FJX1: variants seen among roughly 807,000 people sequenced by gnomAD.
FJX1 encodes four-jointed box kinase 1.
A neutral mutation model predicts 28.7 loss-of-function variants in FJX1; 21 were observed. That is an observed-to-expected ratio of 0.73 (90% CI 0.52 to 1.05). FJX1 has a LOEUF of 1.05. FJX1 is among the 50% of genes least tolerant of loss of function. The pLI is 0.00. For synonymous variants in FJX1, 363 were observed against 310.0 expected (o/e 1.17, Z -1.80); for missense variants, 683 against 647.2 (o/e 1.06, Z -0.60).
Position 35,619,164 on chromosome 11 carries a change from C to T in FJX1, c.528C>T (p.Arg176=), listed in dbSNP as rs1174712508. 6.3e-7 allele frequency: 1 copy of T among 1,576,458 alleles called. No individual in the cohort carries two copies. Residue 176 remains arginine (R), a synonymous_variant, in exon 1 of 1, where the codon CGC becomes CGT. Coordinates refer to ENST00000317811, the MANE Select transcript of FJX1 (RefSeq NM_014344.4). This position sits in a 1 kb window ranked among gnomAD's most constrained non-coding sequence, Gnocchi z 7.6. ...TGGCCCGTTTTGCCGACGGCACCCGCGCCTGCGTGCGCTACGGCATCAACC... is the reference window on the plus strand; with the variant it reads ...TGGCCCGTTTTGCCGACGGCACCCGTGCCTGCGTGCGCTACGGCATCAACC... ...NRLARFADGT[R]ACVRYGINPE...
chr11:35,618,967 C>CGGCCGG lies in FJX1; in HGVS notation c.332_337dup (p.Pro112_Glu113insGlyPro). 1 of 1,474,264 alleles carries CGGCCGG rather than the reference C, an allele frequency of 6.8e-7. No homozygotes were observed. The highest frequency in any genetic ancestry group is 8.9e-7 in the Non-Finnish European group (1 of 1,121,118). The allele number at this position is 1,474,264 out of a possible 1,614,324, so 91.3% of individuals were successfully genotyped here. On this transcript the variant is annotated inframe_insertion, in exon 1 of 1. Coordinates refer to ENST00000317811, the MANE Select transcript of FJX1 (RefSeq NM_014344.4). The surrounding 1 kb of genome is among the most constrained non-coding windows in gnomAD (Gnocchi z 4.2). ...GTGGCACGTGTCAGCCAGGCAGCCCCGGCCGGAGGAGAGCGCCGCGGTGCA... is the reference window on the plus strand; with the variant it reads ...GTGGCACGTGTCAGCCAGGCAGCCCCGGCCGGGGCCGGAGGAGAGCGCCGCGGTGCA...
Position 35,618,629 on chromosome 11 carries a change from G to T in FJX1, c.-8G>T. On this transcript the variant is annotated 5_prime_UTR_variant, in exon 1 of 1. Coordinates refer to ENST00000317811, the MANE Select transcript of FJX1 (RefSeq NM_014344.4). This position sits in a 1 kb window ranked among gnomAD's most constrained non-coding sequence, Gnocchi z 4.2. ...GCGGCGGCGGCGCACCGGCACAGCC[G>T]CGGGAGCATGGGCAGGAGGATGCGG... 1 of 1,161,220 alleles carries T rather than the reference G, an allele frequency of 8.6e-7. No individual in the cohort carries two copies. The allele number at this position is 1,161,220 out of a possible 1,614,324, so 71.9% of individuals were successfully genotyped here.
Position 35,619,732 on chromosome 11 carries a change from G to C in FJX1, c.1096G>C (p.Val366Leu), listed in dbSNP as rs764429952. The C allele has an allele frequency of 1.0e-5, 16 of 1,577,312 alleles. No homozygotes were observed. Among genetic ancestry groups the C allele is most frequent in the Non-Finnish European group, 1.3e-5 (15 of 1,163,154 alleles). Residue 366 changes from valine (V) to leucine (L), a missense_variant, in exon 1 of 1, where the codon GTG becomes CTG. Transcript: ENST00000317811. This position sits in a 1 kb window ranked among gnomAD's most constrained non-coding sequence, Gnocchi z 7.6. ...YNEPLLQSVC[V>L]FRERTARRVL... ...CGAGCCGCTGTTGCAGTCAGTGTGC[G>C]TGTTCCGCGAGCGGACCGCGCGGCG...
In FJX1 at chr11:35,619,139, T is replaced by C. The variant is rs1303257504; in HGVS notation, c.503T>C (p.Leu168Pro). Reference protein sequence around the residue: ...RGGCGRSSNRLARFADGTRAC... With the variant: ...RGGCGRSSNRPARFADGTRAC... ...GGTTGCGGGCGCAGCTCCAACCGAC[T>C]GGCCCGTTTTGCCGACGGCACCCGC... Residue 168 changes from leucine (L) to proline (P), a missense_variant, in exon 1 of 1, where the codon CTG becomes CCG. By Grantham distance (98) the Leu-to-Pro change is moderately conservative. Coordinates refer to ENST00000317811, the MANE Select transcript of FJX1 (RefSeq NM_014344.4). This position sits in a 1 kb window ranked among gnomAD's most constrained non-coding sequence, Gnocchi z 7.6. 5 of 1,568,394 alleles carry C rather than the reference T, an allele frequency of 3.2e-6. No homozygotes were observed. The highest frequency in any genetic ancestry group is 4.3e-6 in the Non-Finnish European group (5 of 1,168,628).
rs753288549 is a variant in FJX1, at chr11:35,619,136, G to A, written c.500G>A (p.Arg167Gln). The A allele has an allele frequency of 3.2e-6, 5 of 1,566,224 alleles. No individual in the cohort carries two copies. Among genetic ancestry groups the A allele is most frequent in the Non-Finnish European group, 4.3e-6 (5 of 1,167,646 alleles). Residue 167 changes from arginine (R) to glutamine (Q), a missense_variant, in exon 1 of 1, where the codon CGA (arginine) becomes CAA (glutamine). Arg to Gln is a conservative substitution (Grantham distance 43). Transcript: ENST00000317811. The surrounding 1 kb of genome is among the most constrained non-coding windows in gnomAD (Gnocchi z 7.6). ...ERGGCGRSSN[R>Q]LARFADGTRA... ...GGGGGTTGCGGGCGCAGCTCCAACC[G>A]ACTGGCCCGTTTTGCCGACGGCACC...
Position 35,618,916 on chromosome 11 carries a change from C to A in FJX1, c.280C>A (p.Pro94Thr). The A allele has an allele frequency of 7.1e-7, 1 of 1,416,158 alleles. No individual in the cohort carries two copies. 87.7% of individuals were successfully genotyped at this position (1,416,158 alleles called of 1,614,324 possible). ...CCTGGCGGCCGGCGCGGACGGCCCG[C>A]CCCGGCAGTCCCGGAGCGAGCCCAG... is the stretch of plus-strand genomic sequence containing the variant. ...LTLAAGADGP[P>T]RQSRSEPRWH... is the part of the protein sequence containing the mutation. Residue 94 changes from proline (P) to threonine (T), a missense_variant, in exon 1 of 1, where the codon CCC becomes ACC. Physicochemically the swap from Pro to Thr is conservative, Grantham distance 38. Coordinates refer to ENST00000317811, the MANE Select transcript of FJX1 (RefSeq NM_014344.4). The surrounding 1 kb of genome is among the most constrained non-coding windows in gnomAD (Gnocchi z 4.2).
In FJX1 at chr11:35,619,899, C is replaced by T. The variant is rs1205225194; in HGVS notation, c.1263C>T (p.Ala421=). 21 of 1,581,564 alleles carry T rather than the reference C, an allele frequency of 1.3e-5. No individual in the cohort carries two copies. Among genetic ancestry groups the T allele is most frequent in the Non-Finnish European group, 1.8e-5 (21 of 1,165,020 alleles). ...TACAGCGCCGCCTCGACTTCCTCGC[C>T]AAGCACATTTTGCACTGTAAGGCCA... is the stretch of plus-strand genomic sequence containing the variant. The part of the protein sequence containing the change: ...QLLQRRLDFL[A]KHILHCKAKY... The change falls in exon 1 of 1, where the codon GCC becomes GCT. Residue 421 remains alanine, a synonymous_variant. Transcript: ENST00000317811. The surrounding 1 kb of genome is among the most constrained non-coding windows in gnomAD (Gnocchi z 7.6).
chr11:35,618,675 G>T lies in FJX1; in HGVS notation c.39G>T (p.Gly13=), dbSNP rs1384775209. Reference sequence around the variant, plus strand: ...TGCGGGGCGCCGCCGCCACCGCGGGGCTCTGGCTGCTGGCGCTGGGCTCGC... The same window carrying T: ...TGCGGGGCGCCGCCGCCACCGCGGGTCTCTGGCTGCTGGCGCTGGGCTCGC... ...RRMRGAAATA[G]LWLLALGSLL... The change falls in exon 1 of 1, where the codon GGG becomes GGT. Residue 13 remains glycine (G), a synonymous_variant. Coordinates refer to ENST00000317811, the MANE Select transcript of FJX1 (RefSeq NM_014344.4). The surrounding 1 kb of genome is among the most constrained non-coding windows in gnomAD (Gnocchi z 4.2). 3.2e-5 allele frequency: 40 copies of T among 1,244,866 alleles called. No individual in the cohort carries two copies. The highest frequency in any genetic ancestry group is 3.5e-5 in the Non-Finnish European group (35 of 989,512). The allele number at this position is 1,244,866 out of a possible 1,614,324, so 77.1% of individuals were successfully genotyped here.
chr11:35,619,998 T>G lies in FJX1; in HGVS notation c.*48T>G. The stretch of plus-strand genomic sequence containing the variant: ...AGATCTGGGGCTGGGGTATGGATGA[T>G]GGGGGGAAGGGCGGTCGCCTCTGCC... On this transcript the variant is annotated 3_prime_UTR_variant, in exon 1 of 1. Coordinates refer to ENST00000317811, the MANE Select transcript of FJX1 (RefSeq NM_014344.4). The surrounding 1 kb of genome is among the most constrained non-coding windows in gnomAD (Gnocchi z 7.6). 6.4e-7 allele frequency: 1 copy of G among 1,555,320 alleles called. No homozygotes were observed. The highest frequency in any genetic ancestry group is 1.2e-5 in the South Asian group (1 of 83,964).
In FJX1 at chr11:35,619,090, C is replaced by T; in HGVS notation, c.454C>T (p.Arg152Trp). Reference sequence around the variant, plus strand: ...GTGGCTGGAGGCGGCTCGCGGCGCCCGGATGGTGGCCCTGGAGCGCGGGGG... The same window carrying T: ...GTGGCTGGAGGCGGCTCGCGGCGCCTGGATGGTGGCCCTGGAGCGCGGGGG... ...AAWLEAARGA[R>W]MVALERGGCG... is the part of the protein sequence containing the mutation. Residue 152 changes from arginine to tryptophan, a missense_variant, in exon 1 of 1, where the codon CGG becomes TGG. Coordinates refer to ENST00000317811, the MANE Select transcript of FJX1 (RefSeq NM_014344.4). This position sits in a 1 kb window ranked among gnomAD's most constrained non-coding sequence, Gnocchi z 7.6. 1.3e-6 allele frequency: 2 copies of T among 1,494,774 alleles called. No individual in the cohort carries two copies. The highest frequency in any genetic ancestry group is 1.8e-6 in the Non-Finnish European group (2 of 1,134,692). 92.6% of individuals were successfully genotyped at this position (1,494,774 alleles called of 1,614,324 possible).
Position 35,619,408 on chromosome 11 carries a change from T to C in FJX1, c.772T>C (p.Trp258Arg). ...NLTDVVVPAP[W>R]RSEDGRLRPL... ...CACGGACGTGGTGGTGCCCGCGCCCTGGCGCTCGGAGGACGGCCGTCTGCG... is the reference window on the plus strand; with the variant it reads ...CACGGACGTGGTGGTGCCCGCGCCCCGGCGCTCGGAGGACGGCCGTCTGCG... The change falls in exon 1 of 1, where the codon TGG becomes CGG. Residue 258 changes from tryptophan to arginine, a missense_variant. By Grantham distance (101) the Trp-to-Arg change is moderately radical. Transcript: ENST00000317811. The surrounding 1 kb of genome is among the most constrained non-coding windows in gnomAD (Gnocchi z 7.6). The C allele has an allele frequency of 6.3e-7, 1 of 1,596,796 alleles. No individual in the cohort carries two copies. Among genetic ancestry groups the C allele is most frequent in the Non-Finnish European group, 8.5e-7 (1 of 1,178,920 alleles).
At position 35,620,184 on chromosome 11, in the gene FJX1, CT is replaced by C; in HGVS notation, c.*236del. The C allele has an allele frequency of 1.6e-6, 1 of 638,414 alleles. No individual in the cohort carries two copies. Among genetic ancestry groups the C allele is most frequent in the Non-Finnish European group, 2.7e-6 (1 of 370,306 alleles). 39.5% of individuals were successfully genotyped at this position (638,414 alleles called of 1,614,324 possible). A position where few individuals can be genotyped will look rare whatever the true frequency, so the allele number is the denominator to read the frequency against. On this transcript the variant is annotated 3_prime_UTR_variant, in exon 1 of 1. Transcript: ENST00000317811. ...GAAGTGTAACATTCTCTCCACCCAG[CT>C]TATAAAAGGATTCTTTACTGTGCCA... is the stretch of plus-strand genomic sequence containing the variant.
Position 35,619,104 on chromosome 11 carries a change from G to A in FJX1, c.468G>A (p.Leu156=). Residue 156 remains leucine (L), a synonymous_variant, in exon 1 of 1, where the codon CTG becomes CTA. Coordinates refer to ENST00000317811, the MANE Select transcript of FJX1 (RefSeq NM_014344.4). The surrounding 1 kb of genome is among the most constrained non-coding windows in gnomAD (Gnocchi z 7.6). ...EAARGARMVA[L]ERGGCGRSSN... ...CTCGCGGCGCCCGGATGGTGGCCCT[G>A]GAGCGCGGGGGTTGCGGGCGCAGCT... 6.6e-7 allele frequency: 1 copy of A among 1,521,632 alleles called. No individual in the cohort carries two copies. The highest frequency in any genetic ancestry group is 1.2e-5 in the South Asian group (1 of 81,828). The allele number at this position is 1,521,632 out of a possible 1,614,324, so 94.3% of individuals were successfully genotyped here.
In FJX1 at chr11:35,619,144, C is replaced by G; in HGVS notation, c.508C>G (p.Arg170Gly). Residue 170 changes from arginine (R) to glycine (G), a missense_variant, in exon 1 of 1, where the codon CGT becomes GGT. Arg to Gly is a moderately radical substitution (Grantham distance 125, BLOSUM62 -2). Transcript: ENST00000317811. This position sits in a 1 kb window ranked among gnomAD's most constrained non-coding sequence, Gnocchi z 7.6. ...CGGGCGCAGCTCCAACCGACTGGCC[C>G]GTTTTGCCGACGGCACCCGCGCCTG... ...GCGRSSNRLARFADGTRACVR... is the reference protein window; with the variant it reads ...GCGRSSNRLAGFADGTRACVR... 6.4e-7 allele frequency: 1 copy of G among 1,570,964 alleles called. No homozygotes were observed. The highest frequency in any genetic ancestry group is 8.5e-7 in the Non-Finnish European group (1 of 1,169,676).
Position 35,618,705 on chromosome 11 carries a change from G to T in FJX1, c.69G>T (p.Leu23=). Residue 23 remains leucine (L), a synonymous_variant, in exon 1 of 1, where the codon CTG becomes CTT. Transcript: ENST00000317811. The surrounding 1 kb of genome is among the most constrained non-coding windows in gnomAD (Gnocchi z 4.2). ...GLWLLALGSL[L]ALWGGLLPPR... is the part of the protein sequence containing the mutation. ...GGCTGCTGGCGCTGGGCTCGCTGCT[G>T]GCGCTGTGGGGAGGGCTCCTGCCGC... 8.0e-7 allele frequency: 1 copy of T among 1,253,470 alleles called. No individual in the cohort carries two copies. The highest frequency in any genetic ancestry group is 1.0e-6 in the Non-Finnish European group (1 of 989,020). The allele number at this position is 1,253,470 out of a possible 1,614,324, so 77.6% of individuals were successfully genotyped here. A position where few individuals can be genotyped will look rare whatever the true frequency, so the allele number is the denominator to read the frequency against.
rs368400572 is a variant in FJX1, at chr11:35,619,988, G to C, written c.*38G>C. The C allele has an allele frequency of 2.6e-6, 4 of 1,562,562 alleles. No homozygotes were observed. In the South Asian group the frequency reaches 4.7e-5, roughly 18 times the overall value. On this transcript the variant is annotated 3_prime_UTR_variant, in exon 1 of 1. Transcript: ENST00000317811. This position sits in a 1 kb window ranked among gnomAD's most constrained non-coding sequence, Gnocchi z 7.6. ...GAAAAGAGAGAGATCTGGGGCTGGG[G>C]TATGGATGATGGGGGGAAGGGCGGT...
At position 35,618,486 on chromosome 11, in the gene FJX1, G is replaced by T. The variant is rs1049861753; in HGVS notation, c.-151G>T. 1 of 710,928 alleles carries T rather than the reference G, an allele frequency of 1.4e-6. No individual in the cohort carries two copies. Among genetic ancestry groups the T allele is most frequent in the Non-Finnish European group, 1.8e-6 (1 of 564,156 alleles). The allele number at this position is 710,928 out of a possible 1,614,324, so 44.0% of individuals were successfully genotyped here. On this transcript the variant is annotated 5_prime_UTR_variant, in exon 1 of 1. Transcript: ENST00000317811. The surrounding 1 kb of genome is among the most constrained non-coding windows in gnomAD (Gnocchi z 4.2). ...GTTCCCAGCGCCGGGCGGAGCGCCGGACAGAGCCCCGCAGCGCCCCGCGGC... is the reference window on the plus strand; with the variant it reads ...GTTCCCAGCGCCGGGCGGAGCGCCGTACAGAGCCCCGCAGCGCCCCGCGGC...
chr11:35,619,518 TTTCG>T lies in FJX1; in HGVS notation c.883_886del (p.Phe295ThrfsTer3). The T allele has an allele frequency of 1.3e-6, 2 of 1,599,902 alleles. No homozygotes were observed. The highest frequency in any genetic ancestry group is 1.7e-6 in the Non-Finnish European group (2 of 1,179,720). On this transcript the variant is annotated frameshift_variant, in exon 1 of 1. Coordinates refer to ENST00000317811, the MANE Select transcript of FJX1 (RefSeq NM_014344.4). LOFTEE classifies it high-confidence loss of function. This position sits in a 1 kb window ranked among gnomAD's most constrained non-coding sequence, Gnocchi z 7.6. ...TAGTACAATGGACCGACTTAATCCT[TTTCG>T]ACTACCTGACGGCCAACTTCGACCG...
chr11:35,619,776 C>G lies in FJX1; in HGVS notation c.1140C>G (p.Arg380=), dbSNP rs777560881. Reference sequence around the variant, plus strand: ...CGCGGCGCGTCCTGGAGCTGCACCGCGGACAGGACGCCGCGGCCCGGCTGC... The same window carrying G: ...CGCGGCGCGTCCTGGAGCTGCACCGGGGACAGGACGCCGCGGCCCGGCTGC... ...RTARRVLELH[R]GQDAAARLLR... is the part of the protein sequence containing the mutation. Residue 380 remains arginine, a synonymous_variant, in exon 1 of 1, where the codon CGC becomes CGG. Transcript: ENST00000317811. The surrounding 1 kb of genome is among the most constrained non-coding windows in gnomAD (Gnocchi z 7.6). 5.1e-5 allele frequency: 79 copies of G among 1,551,654 alleles called. No homozygotes were observed. The highest frequency in any genetic ancestry group is 7.3e-5 in the East Asian group (3 of 40,956).
Sources: gnomAD v4.1 joint callset for allele counts on GRCh38, gnomAD v4.1.1 for gene constraint, Gnocchi (gnomAD v3.1) non-coding constraint, MANE v1.5 for transcripts, NCBI Gene and HGNC (gene_info 2026-07-23, HGNC 2026-07-21) for gene names.